The following SLC35H1 variants were observed in gnomAD, a reference collection of about 807,000 sequenced individuals.
SLC35H1 encodes the protein solute carrier family 35 member H1.
chr20:46,355,162 A>T, the SLC35H1 span: 2 of 1,614,030 alleles, frequency 1.2e-6, no homozygotes, highest in Non-Finnish European at 1.7e-6. The surrounding 1 kb of genome is among the most constrained non-coding windows in gnomAD (Gnocchi z 4.8). Context: ...GAAGCCCTCC[A>T]CGTTGAACTG....
At chr20:46,350,877 A>C in the SLC35H1 span, 1 of 1,613,990 alleles carries the variant, frequency 6.2e-7, no homozygotes. Flanking sequence ...TGCCAACAGC[A>C]AAGTGCAGAC....
At chr20:46,361,347 C>T in the SLC35H1 span, among the ~76,000 whole-genome samples, 1 of 152,146 alleles carries the variant, frequency 6.6e-6, no homozygotes, top group Non-Finnish European at 1.5e-5. Flanking sequence ...CAGAAATATC[C>T]CAAATATGAG....
the SLC35H1 span, chr20:46,358,485 C>T: frequency 6.2e-7 from 1 of 1,614,240 alleles, no homozygotes; most frequent in Non-Finnish European, 8.5e-7. Flanking sequence ...AAAAAGGCCA[C>T]ATCGAGGGCC....
At chr20:46,350,690 G>C in the SLC35H1 span, 8 of 1,571,180 alleles carry the variant, frequency 5.1e-6, no homozygotes, top group Admixed American at 1.1e-4. Context: ...CACACTTCCT[G>C]CATCAGAATC....
the SLC35H1 span, chr20:46,355,833 A>G: frequency 6.2e-7 from 1 of 1,614,112 alleles, no homozygotes; most frequent in Non-Finnish European, 8.5e-7. The surrounding 1 kb of genome is among the most constrained non-coding windows in gnomAD (Gnocchi z 4.8). Flanking sequence ...CAGAGAGAAG[A>G]TCAAGATGAA....
chr20:46,352,321 A>ATCAC, the SLC35H1 span: 1 of 1,097,228 alleles, frequency 9.1e-7, no homozygotes, highest in Non-Finnish European at 1.3e-6. Context: ...TGTAGTAGTG[A>ATCAC]GTTCTTACTG....
the SLC35H1 span, among the ~76,000 whole-genome samples, chr20:46,363,697 G>T: frequency 2.2e-4 from 33 of 152,244 alleles, no homozygotes; most frequent in East Asian, 4.6e-3. Context: ...TGGTCTAACT[G>T]GTCTCCCTGT....
At chr20:46,354,231 C>T in the SLC35H1 span, among the ~76,000 whole-genome samples, 790 of 152,270 alleles carry the variant, frequency 5.2e-3, 5 homozygotes, top group African/African-American at 0.017. Flanking sequence ...GCTGATCCTG[C>T]GTGGCCCACA....
At chr20:46,355,657 G>T in the SLC35H1 span, 19 of 1,187,232 alleles carry the variant, frequency 1.6e-5, no homozygotes, top group African/African-American at 2.8e-4. This position sits in a 1 kb window ranked among gnomAD's most constrained non-coding sequence, Gnocchi z 4.8. Flanking sequence ...CCCATGTCTA[G>T]GTCCCTTCTC....
the SLC35H1 span, chr20:46,356,475 G>A: frequency 3.3e-6 from 4 of 1,197,880 alleles, no homozygotes; most frequent in Admixed American, 1.8e-5. Flanking sequence ...TCCCAGAGTG[G>A]TGGAGTGGCT....
chr20:46,350,830 A>G, the SLC35H1 span: 1 of 1,614,110 alleles, frequency 6.2e-7, no homozygotes, highest in South Asian at 1.1e-5. Flanking sequence ...AAGCCCAGCC[A>G]GTTCAGGAGG....
At chr20:46,358,688 C>T in the SLC35H1 span, 2 of 1,551,200 alleles carry the variant, frequency 1.3e-6, no homozygotes, top group Non-Finnish European at 1.7e-6. Context: ...GCAGAGTCCT[C>T]ACCTAAGGGG....
the SLC35H1 span, among the ~76,000 whole-genome samples, chr20:46,359,951 G>A: frequency 2.0e-5 from 3 of 152,188 alleles, no homozygotes; most frequent in African/African-American, 7.2e-5. Flanking sequence ...GGGCAAACAG[G>A]GAGCTGGCTG....
the SLC35H1 span, chr20:46,357,564 C>A: frequency 6.3e-7 from 1 of 1,577,136 alleles, no homozygotes; most frequent in South Asian, 1.1e-5. Flanking sequence ...CTCTTGTTCT[C>A]ATCCTATGGT....
At chr20:46,350,640 C>T in the SLC35H1 span, 3 of 1,510,588 alleles carry the variant, frequency 2.0e-6, no homozygotes, top group South Asian at 1.3e-5. Context: ...AGATGACCCC[C>T]ACATCTTCCT....
chr20:46,357,720 G>T, the SLC35H1 span: 1 of 1,614,174 alleles, frequency 6.2e-7, no homozygotes, highest in South Asian at 1.1e-5. Context: ...GGGCGGAGAA[G>T]AGGAAGATCA....
the SLC35H1 span, chr20:46,358,295 C>CT: frequency 8.3e-7 from 1 of 1,199,952 alleles, no homozygotes. Flanking sequence ...CTGGTTGAAG[C>CT]TTGTGCCTTC....
At chr20:46,350,368 G>A in the SLC35H1 span, 2 of 1,583,438 alleles carry the variant, frequency 1.3e-6, no homozygotes, top group African/African-American at 2.7e-5. Context: ...GGAGTGGCCT[G>A]CTTCTAAGCC....
At chr20:46,350,191 C>T in the SLC35H1 span, 36 of 497,648 alleles carry the variant, frequency 7.2e-5, no homozygotes, top group African/African-American at 5.6e-4. Flanking sequence ...CTGGCCAGTC[C>T]CAGGCTGGCC....
Sources: allele counts gnomAD v4.1 joint callset (sites outside exome capture counted in the v4.1 genomes callset), GRCh38; gene constraint gnomAD v4.1.1; non-coding constraint Gnocchi (gnomAD v3.1); transcripts MANE v1.5; gene names NCBI Gene and HGNC (gene_info 2026-07-23, HGNC 2026-07-21).